The following WDR3 variants were observed in gnomAD, a reference collection of about 807,000 sequenced individuals.
WDR3 encodes the protein WD repeat domain 3.
In WDR3, 81 loss-of-function variants were observed where a neutral mutation model predicts 123.7. The observed-to-expected ratio is 0.65, with a 90% CI of 0.55 to 0.79. The LOEUF (loss-of-function observed/expected upper bound fraction) is 0.79, where lower values mean the gene tolerates loss of function less well. Ranked by LOEUF, WDR3 falls within the 30% of genes least tolerant of loss-of-function variation. The probability of loss-of-function intolerance (pLI) is 0.00; values close to 1 mark genes in which losing one functional copy is unlikely to be tolerated. For missense variants in WDR3, 1,027 were observed against 1,123.2 expected (o/e 0.91, Z 1.22); for synonymous variants, 390 against 388.8 (o/e 1.00, Z -0.04).
At chr1:117,934,802 T>C in intron 3 of WDR3, 120 bp downstream of exon 3, 2 of 964,702 alleles carry the variant, frequency 2.1e-6, no homozygotes, top group South Asian at 3.3e-5. Context: ...CAAAGTAGTA[T>C]AATGATAGAG....
chr1:117,938,942 G>A (rs1276215287), intron 5 of WDR3, among the ~76,000 whole-genome samples: 2 of 152,164 alleles, frequency 1.3e-5, no homozygotes, highest in African/African-American at 4.8e-5. Context: ...GTTGAGTTCA[G>A]GGACTGTTTT....
rs1652809902 is a variant in WDR3 at position 117,959,951 on chromosome 1, GAA to G, written c.*505_*506del. The G allele has an allele frequency of 6.6e-6, 1 of 152,288 alleles. No individual in the cohort carries two copies. Among genetic ancestry groups the G allele is most frequent in the Admixed American group, 6.5e-5 (1 of 15,276 alleles). 9.4% of individuals were successfully genotyped at this position (152,288 alleles called of 1,614,324 possible). ...TAAAAAGGACTGTAAAAATTACCCA[GAA>G]CAGCGTCCTCAGACTTAACCTTCTG... On this transcript the variant is annotated 3_prime_UTR_variant, in exon 27 of 27. Transcript: ENST00000349139.
In WDR3 at chr1:117,961,184, G is replaced by C. The variant is rs1358538846; in HGVS notation, c.*1737G>C. 6.6e-6 allele frequency: 1 copy of C among 152,224 alleles called. No homozygotes were observed. The highest frequency in any genetic ancestry group is 1.9e-4 in the East Asian group (1 of 5,188). 9.4% of individuals were successfully genotyped at this position (152,224 alleles called of 1,614,324 possible). On this transcript the variant is annotated 3_prime_UTR_variant, in exon 27 of 27. Coordinates refer to ENST00000349139, the MANE Select transcript of WDR3 (RefSeq NM_006784.3). ...TGTAATCCCAGCTACTCAGGAGGCT[G>C]AGACAGGAGAATCACTTGAACCCGG...
rs146337408 is a variant in WDR3 at position 117,933,990 on chromosome 1, T to C, written c.172-483T>C. 3.1e-3 allele frequency among the ~76,000 whole-genome samples: 465 copies of C among 152,352 alleles called. 4 individuals are homozygous for C. The highest frequency in any genetic ancestry group is 0.011 in the African/African-American group (441 of 41,578). ...CAAACCAAATATAGGCATTTTGATA[T>C]TGTCCATTCATTTTGTGATTCCCAA... On this transcript the variant is annotated intron_variant, in intron 2 of 26. Transcript: ENST00000349139.
At chr1:117,944,252 A>G (rs540374432) in intron 11 of WDR3, among the ~76,000 whole-genome samples, 33 of 152,270 alleles carry the variant, frequency 2.2e-4, no homozygotes, top group Admixed American at 2.6e-4. Context: ...TTGTCCTTGA[A>G]TTGATGACTT....
intron 18 of WDR3, 26 bp downstream of exon 18, chr1:117,952,434 T>C (rs750825712): frequency 9.3e-6 from 15 of 1,605,378 alleles, no homozygotes; most frequent in Non-Finnish European, 1.2e-5. Flanking sequence ...CTGTGCTTGC[T>C]TGGTACTTAA....
At chr1:117,947,800 G>A (rs1463983487) in intron 12 of WDR3, among the ~76,000 whole-genome samples, 2 of 152,194 alleles carry the variant, frequency 1.3e-5, no homozygotes, top group South Asian at 2.1e-4. Context: ...CTTTGCCTCT[G>A]TGTGTGTTAC....
intron 1 of WDR3, among the ~76,000 whole-genome samples, chr1:117,931,476 AAG>A (rs1396993122): frequency 6.6e-6 from 1 of 152,324 alleles, no homozygotes; most frequent in East Asian, 1.9e-4. Flanking sequence ...GTCAGAAGAA[AAG>A]AGAGGGGTAC....
rs116169434 is a variant in WDR3, at chr1:117,935,231, A to G, written c.381+549A>G. On this transcript the variant is annotated intron_variant, in intron 3 of 26. Coordinates refer to ENST00000349139, the MANE Select transcript of WDR3 (RefSeq NM_006784.3). ...TGGTAGTGTTTTCTAATTGATTTATATAGCTAAAGCTATGTTTAGACATAT... is the reference window on the plus strand; with the variant it reads ...TGGTAGTGTTTTCTAATTGATTTATGTAGCTAAAGCTATGTTTAGACATAT... Among the ~76,000 whole-genome samples, 968 of 152,334 alleles carry G rather than the reference A, an allele frequency of 6.4e-3. 2 individuals carry two copies. The highest frequency in any genetic ancestry group is 0.012 in the Non-Finnish European group (797 of 68,014).
chr1:117,957,161 T>G lies in WDR3; in HGVS notation c.2547T>G (p.Val849=). 1 of 1,612,578 alleles carries G rather than the reference T, an allele frequency of 6.2e-7. No individual in the cohort carries two copies. The highest frequency in any genetic ancestry group is 8.5e-7 in the Non-Finnish European group (1 of 1,179,472). The change falls in exon 25 of 27, where the codon GTT becomes GTG. Residue 849 remains valine (V), a synonymous_variant. Coordinates refer to ENST00000349139, the MANE Select transcript of WDR3 (RefSeq NM_006784.3). ...FNEFIQLGSD[V]ELICRCLFFL... Reference sequence around the variant, plus strand: ...AATTCATTCAGCTGGGCTCTGATGTTGAACTTATATGCCGGTGCCTCTTCT... The same window carrying G: ...AATTCATTCAGCTGGGCTCTGATGTGGAACTTATATGCCGGTGCCTCTTCT...
At chr1:117,946,543 A>G (rs1651389406) in intron 12 of WDR3, among the ~76,000 whole-genome samples, 2 of 152,182 alleles carry the variant, frequency 1.3e-5, no homozygotes, top group Non-Finnish European at 1.5e-5. Context: ...GCATTCAGTA[A>G]AGACAAACTG....
intron 22 of WDR3, among the ~76,000 whole-genome samples, 169 bp from the exon 23 acceptor site, chr1:117,954,411 G>A (rs1473368768): frequency 1.3e-5 from 2 of 152,074 alleles, no homozygotes; most frequent in East Asian, 1.9e-4. Context: ...GCTCATTCAT[G>A]AGTACTATAG....
rs1284164378 is a variant in WDR3 at position 117,961,216 on chromosome 1, G to C, written c.*1769G>C. The C allele has an allele frequency of 1.3e-5, 2 of 152,190 alleles. No individual in the cohort carries two copies. The highest frequency in any genetic ancestry group is 4.8e-5 in the African/African-American group (2 of 41,426). 9.4% of individuals were successfully genotyped at this position (152,190 alleles called of 1,614,324 possible). A position where few individuals can be genotyped will look rare whatever the true frequency, so the allele number is the denominator to read the frequency against. On this transcript the variant is annotated 3_prime_UTR_variant, in exon 27 of 27. Transcript: ENST00000349139. The stretch of plus-strand genomic sequence containing the variant: ...GAGAATCACTTGAACCCGGCAGGCG[G>C]AGATTGCAGTTAGCCAAGACAGTGC...
chr1:117,939,697 C>T, intron 6 of WDR3, 125 bp downstream of exon 6: 2 of 894,058 alleles, frequency 2.2e-6, no homozygotes, highest in Non-Finnish European at 3.4e-6. Flanking sequence ...CACCAATAAC[C>T]TGCAACACTT....
chr1:117,930,509 A>G (rs1050917490), intron 1 of WDR3, among the ~76,000 whole-genome samples: 1 of 152,236 alleles, frequency 6.6e-6, no homozygotes, highest in Non-Finnish European at 1.5e-5. Flanking sequence ...GTTAGATAGG[A>G]TGAGTTTTTG....
intron 13 of WDR3, 34 bp downstream of exon 13, chr1:117,948,540 A>G: frequency 6.5e-7 from 1 of 1,549,470 alleles, no homozygotes; most frequent in Non-Finnish European, 8.8e-7. Context: ...CCTGGAGTTC[A>G]GCCCTGTGGC....
At chr1:117,948,310 G>C (rs530825671) in intron 12 of WDR3, 95 bp from the exon 13 acceptor site, 6 of 1,009,876 alleles carry the variant, frequency 5.9e-6, no homozygotes, top group Non-Finnish European at 7.4e-6. Context: ...CATTTTTGCA[G>C]CTTGGTTATG....
In WDR3 at chr1:117,963,193, T is replaced by C. The variant is rs1653335829; in HGVS notation, c.*3746T>C. 6.6e-6 allele frequency: 1 copy of C among 152,094 alleles called. No individual in the cohort carries two copies. Among genetic ancestry groups the C allele is most frequent in the Admixed American group, 6.5e-5 (1 of 15,268 alleles). 9.4% of individuals were successfully genotyped at this position (152,094 alleles called of 1,614,324 possible). ...GTTGCCCTTGTGTATCCCTTCCCCTTGAGTATGGGGTCGGACCTAGTGACT... is the reference window on the plus strand; with the variant it reads ...GTTGCCCTTGTGTATCCCTTCCCCTCGAGTATGGGGTCGGACCTAGTGACT... On this transcript the variant is annotated 3_prime_UTR_variant, in exon 27 of 27. Coordinates refer to ENST00000349139, the MANE Select transcript of WDR3 (RefSeq NM_006784.3).
At position 117,947,256 on chromosome 1, in the gene WDR3, A is replaced by ACT. The variant is rs147843085; in HGVS notation, c.1422+1077_1422+1078insCT. On this transcript the variant is annotated intron_variant, in intron 12 of 26. Transcript: ENST00000349139. ...CAGACATAGCAGTAGTGATTGTACC[A>ACT]GTAGTGAGAATAAAATGGAACAAGG... 9.6e-3 allele frequency among the ~76,000 whole-genome samples: 1,459 copies of ACT among 152,372 alleles called. 11 individuals are homozygous for ACT. The highest frequency in any genetic ancestry group is 0.013 in the Non-Finnish European group (900 of 68,044).
Sources: gnomAD v4.1 joint callset for allele counts (sites outside exome capture counted in the v4.1 genomes callset) on GRCh38, gnomAD v4.1.1 for gene constraint, MANE v1.5 for transcripts, NCBI Gene and HGNC (gene_info 2026-07-23, HGNC 2026-07-21) for gene names.